PTPRD: variants seen among roughly 807,000 people sequenced by gnomAD.
PTPRD encodes the protein receptor-type tyrosine-protein phosphatase delta.
Under a neutral mutation model 214.5 loss-of-function variants are expected in PTPRD, and 34 were observed. The ratio of observed to expected loss-of-function variants is 0.16; its 90% CI spans 0.12 to 0.21. The LOEUF is 0.21. PTPRD is among the 10% of genes least tolerant of loss of function. The pLI is 1.00. For missense variants in PTPRD, 2,545 were observed against 2,398.7 expected, an observed-to-expected ratio of 1.06 and a Z score of -1.27; for synonymous variants, 1,128 against 845.7, an observed-to-expected ratio of 1.33 and a Z score of -5.79.
chr9:10,271,891 A>G (rs1280803841), intron 3 of PTPRD, among the ~76,000 whole-genome samples: 1 of 151,638 alleles, frequency 6.6e-6, no homozygotes, highest in Non-Finnish European at 1.5e-5. Flanking sequence ...TTTTTTTTAA[A>G]TTTTATTTGT....
chr9:8,697,345 T>C (rs1056100311), intron 12 of PTPRD, among the ~76,000 whole-genome samples: 4 of 151,952 alleles, frequency 2.6e-5, no homozygotes, highest in Non-Finnish European at 5.9e-5. Context: ...AGCATTCTTT[T>C]CCTGGTGGAA....
intron 9 of PTPRD, among the ~76,000 whole-genome samples, chr9:9,291,520 A>G (rs998061172): frequency 1.3e-5 from 2 of 151,318 alleles, no homozygotes; most frequent in East Asian, 2.0e-4. Context: ...AATAACATAA[A>G]ACGGGATTTC....
At chr9:10,374,697 C>T (rs1023029778) in intron 2 of PTPRD, among the ~76,000 whole-genome samples, 3 of 151,996 alleles carry the variant, frequency 2.0e-5, no homozygotes, top group Non-Finnish European at 4.4e-5. Flanking sequence ...CATTTGCTAG[C>T]TCCATGTTCT....
intron 2 of PTPRD, among the ~76,000 whole-genome samples, chr9:10,516,516 T>G (rs1187997585): frequency 1.3e-5 from 2 of 151,958 alleles, no homozygotes; most frequent in Non-Finnish European, 2.9e-5. Context: ...CTCCAACTCC[T>G]TAGGTTTCCT....
chr9:9,824,216 C>T (rs576715972), intron 5 of PTPRD, among the ~76,000 whole-genome samples: 30 of 151,970 alleles, frequency 2.0e-4, no homozygotes, highest in African/African-American at 7.2e-4. Flanking sequence ...AAACATTTCT[C>T]AAGCCAGGAA....
rs531369059 is a variant in PTPRD at position 8,987,140 on chromosome 9, A to G, written c.-104+31557T>C. On this transcript the variant is annotated intron_variant, in intron 11 of 45. Transcript: ENST00000381196. Reference sequence around the variant, plus strand: ...AACCTAAGCTTGAAGTGTATTCCCCATTTACTAAAAGGACTATCACAGGAA... The same window carrying G: ...AACCTAAGCTTGAAGTGTATTCCCCGTTTACTAAAAGGACTATCACAGGAA... Among the ~76,000 whole-genome samples, 5 of 152,146 alleles carry G rather than the reference A, an allele frequency of 3.3e-5. No homozygotes were observed. The South Asian group carries it at 1.0e-3, about 32-fold the overall frequency.
At chr9:9,070,863 G>C (rs2099742700) in intron 10 of PTPRD, among the ~76,000 whole-genome samples, 2 of 152,268 alleles carry the variant, frequency 1.3e-5, no homozygotes, top group East Asian at 1.9e-4. Flanking sequence ...AGAATCCAGA[G>C]TACCTTAGTT....
At chr9:10,091,410 A>T (rs2098428360) in intron 3 of PTPRD, among the ~76,000 whole-genome samples, 1 of 151,562 alleles carries the variant, frequency 6.6e-6, no homozygotes, top group African/African-American at 2.4e-5. Context: ...AGTACTGAAA[A>T]CTGATTTTTA....
At chr9:9,298,480 C>G (rs182854731) in intron 9 of PTPRD, among the ~76,000 whole-genome samples, 1 of 151,692 alleles carries the variant, frequency 6.6e-6, no homozygotes, top group Non-Finnish European at 1.5e-5. Context: ...GGGTAAGATA[C>G]TGGCTTAAAC....
intron 3 of PTPRD, among the ~76,000 whole-genome samples, chr9:10,183,251 C>G (rs766872017): frequency 6.6e-6 from 1 of 151,868 alleles, no homozygotes; most frequent in Non-Finnish European, 1.5e-5. Flanking sequence ...AGAATGGGTA[C>G]CTCAGAAAAA....
intron 11 of PTPRD, among the ~76,000 whole-genome samples, chr9:9,013,073 A>T (rs2099518446): frequency 6.6e-6 from 1 of 152,142 alleles, no homozygotes; most frequent in Non-Finnish European, 1.5e-5. Context: ...AGCACAGATA[A>T]TCTTGTTTGT....
intron 13 of PTPRD, among the ~76,000 whole-genome samples, chr9:8,634,364 T>C (rs938381952): frequency 6.6e-6 from 1 of 152,084 alleles, no homozygotes; most frequent in Non-Finnish European, 1.5e-5. Context: ...TTTTCTCTTG[T>C]ATTTCACTGT....
At chr9:8,916,937 C>T (rs1353630962) in intron 11 of PTPRD, among the ~76,000 whole-genome samples, 6 of 152,182 alleles carry the variant, frequency 3.9e-5, no homozygotes, top group African/African-American at 1.4e-4. Flanking sequence ...AAACAGTGCA[C>T]ATAAACCACA....
chr9:9,437,416 T>C (rs1412876), intron 8 of PTPRD, among the ~76,000 whole-genome samples: 43,638 of 148,494 alleles, frequency 0.29, 6,286 homozygotes, highest in Admixed American at 0.33. Context: ...ATCACAATGA[T>C]GCCCCCTGAG....
chr9:9,836,878 T>C (rs987006417), intron 5 of PTPRD, among the ~76,000 whole-genome samples: 4 of 152,136 alleles, frequency 2.6e-5, no homozygotes, highest in African/African-American at 9.7e-5. Flanking sequence ...AACTACCATA[T>C]CAAGAGGTAG....
At chr9:9,464,810 C>A (rs1469118711) in intron 8 of PTPRD, among the ~76,000 whole-genome samples, 2 of 152,072 alleles carry the variant, frequency 1.3e-5, no homozygotes, top group Admixed American at 1.3e-4. Flanking sequence ...TGTTTTGTGT[C>A]CTTTCTTACC....
At chr9:10,518,052 A>G (rs1889829) in intron 2 of PTPRD, among the ~76,000 whole-genome samples, 4,950 of 152,242 alleles carry the variant, frequency 0.033, 275 homozygotes, top group African/African-American at 0.11. Flanking sequence ...GAAAGGAAAA[A>G]ACTGTCACAT....
intron 35 of PTPRD, among the ~76,000 whole-genome samples, chr9:8,425,684 C>A (rs1193012375): frequency 6.6e-6 from 1 of 151,376 alleles, no homozygotes; most frequent in African/African-American, 2.4e-5. Flanking sequence ...TTTTCTGTTT[C>A]TCCTAGAAGA....
At chr9:8,549,314 TG>T (rs1355741729) in intron 14 of PTPRD, among the ~76,000 whole-genome samples, 1 of 152,076 alleles carries the variant, frequency 6.6e-6, no homozygotes, top group African/African-American at 2.4e-5. Context: ...CCTTCGTGAA[TG>T]ATGGTAGGTC....
Sources: gnomAD v4.1 joint callset for allele counts (sites outside exome capture counted in the v4.1 genomes callset) on GRCh38, gnomAD v4.1.1 for gene constraint, MANE v1.5 for transcripts, NCBI Gene and HGNC (gene_info 2026-07-23, HGNC 2026-07-21) for gene names.